Variants in ANO10 observed in about 807,000 individuals in gnomAD.
ANO10 encodes the protein anoctamin-10.
ANO10 carries 77 observed loss-of-function variants against 74.7 expected under a neutral mutation model. The observed-to-expected ratio is 1.03, with a 90% CI of 0.86 to 1.25. ANO10 has a LOEUF of 1.25. Ranked by LOEUF, ANO10 falls within the 50% of genes most tolerant of loss-of-function variation. The probability of loss-of-function intolerance (pLI) is 0.00; values close to 1 mark genes in which losing one functional copy is unlikely to be tolerated. For missense variants in ANO10, 721 were observed against 778.1 expected, an observed-to-expected ratio of 0.93 and a Z score of 0.87; for synonymous variants, 279 against 284.9, an observed-to-expected ratio of 0.98 and a Z score of 0.21.
chr3:43,485,234 G>C (rs1476938749), intron 11 of ANO10: 1 of 654,312 alleles, frequency 1.5e-6, no homozygotes, highest in Non-Finnish European at 2.8e-6. Context: ...TGCAGCTCCG[G>C]GAGTCATAGT....
chr3:43,688,712 C>T lies in ANO10; in HGVS notation c.-12+2805G>A, dbSNP rs374312120. Among the ~76,000 whole-genome samples, 37 of 151,986 alleles carry T rather than the reference C, an allele frequency of 2.4e-4. 2 individuals carry two copies. Among genetic ancestry groups the T allele is most frequent in the East Asian group, 2.3e-3 (12 of 5,148 alleles). The stretch of plus-strand genomic sequence containing the variant: ...ACAAAAAATTAGCTGGGCGTGGTGG[C>T]GGGTGCCTGGAATCCCAGCTACTCA... On this transcript the variant is annotated intron_variant, in intron 1 of 3. Transcript: ENST00000413397.
At chr3:43,381,858 T>C (rs2091968786) in intron 12 of ANO10, among the ~76,000 whole-genome samples, 1 of 152,178 alleles carries the variant, frequency 6.6e-6, no homozygotes, top group South Asian at 2.1e-4. Context: ...ATCGAAATTA[T>C]GGCAAGTACT....
intron 11 of ANO10, among the ~76,000 whole-genome samples, chr3:43,532,479 T>C (rs2078515099): frequency 6.6e-6 from 1 of 152,240 alleles, no homozygotes; most frequent in South Asian, 2.1e-4. Flanking sequence ...CAACTGTTCA[T>C]CCAGTATAAT....
intron 9 of ANO10, among the ~76,000 whole-genome samples, chr3:43,558,578 A>T (rs1369431061): frequency 6.6e-6 from 1 of 152,192 alleles, no homozygotes; most frequent in African/African-American, 2.4e-5. Context: ...TTACTTTTAT[A>T]GTAATGTTTT....
intron 1 of ANO10, among the ~76,000 whole-genome samples, chr3:43,649,787 C>A (rs981965401): frequency 4.3e-4 from 66 of 152,296 alleles, no homozygotes; most frequent in South Asian, 1.2e-3. Context: ...GTTCCCTGAC[C>A]CCCCTTGCAG....
chr3:43,366,850 C>T lies in ANO10; in HGVS notation c.*56G>A. The stretch of plus-strand genomic sequence containing the variant: ...CCGGGTACCCCCCCTGCCACCGTGG[C>T]AGGTGTGGCACAGACACAGGCCTCT... On this transcript the variant is annotated 3_prime_UTR_variant, in exon 13 of 13. Transcript: ENST00000292246. 6.6e-7 allele frequency: 1 copy of T among 1,520,636 alleles called. No individual in the cohort carries two copies. Among genetic ancestry groups the T allele is most frequent in the Non-Finnish European group, 8.9e-7 (1 of 1,118,566 alleles). The allele number at this position is 1,520,636 out of a possible 1,614,324, so 94.2% of individuals were successfully genotyped here. A position where few individuals can be genotyped will look rare whatever the true frequency, so the allele number is the denominator to read the frequency against.
intron 11 of ANO10, among the ~76,000 whole-genome samples, chr3:43,529,150 A>C (rs1248095827): frequency 6.6e-6 from 1 of 152,232 alleles, no homozygotes; most frequent in African/African-American, 2.4e-5. Flanking sequence ...AAAATGACCA[A>C]GTCACTTGCT....
chr3:43,515,848 T>C (rs1342137390), intron 11 of ANO10, among the ~76,000 whole-genome samples: 1 of 152,186 alleles, frequency 6.6e-6, no homozygotes, highest in African/African-American at 2.4e-5. Flanking sequence ...GGTTTCCTTC[T>C]GACTACTGAA....
At chr3:43,422,650 T>A (rs2092836628) in intron 12 of ANO10, among the ~76,000 whole-genome samples, 1 of 152,210 alleles carries the variant, frequency 6.6e-6, no homozygotes, top group Non-Finnish European at 1.5e-5. Flanking sequence ...TGGGGTGACT[T>A]GAAAAATGGT....
intron 11 of ANO10, among the ~76,000 whole-genome samples, chr3:43,540,900 T>C (rs1184460816): frequency 2.0e-5 from 3 of 152,178 alleles, no homozygotes; most frequent in Non-Finnish European, 4.4e-5. Flanking sequence ...ACATAATAAA[T>C]ATGTATTCAA....
At chr3:43,688,030 C>T (rs1291567507) in intron 1 of ANO10, among the ~76,000 whole-genome samples, 1 of 152,198 alleles carries the variant, frequency 6.6e-6, no homozygotes, top group Non-Finnish European at 1.5e-5. Context: ...ACTCCATCAG[C>T]AGCAAGGTGA....
chr3:43,497,315 A>C (rs1273621348), intron 11 of ANO10, among the ~76,000 whole-genome samples: 4 of 152,220 alleles, frequency 2.6e-5, no homozygotes, highest in Non-Finnish European at 4.4e-5. Flanking sequence ...TTTGTAATTA[A>C]GGAGAAAAGA....
chr3:43,617,714 C>T (rs1435117916), intron 1 of ANO10, among the ~76,000 whole-genome samples: 1 of 151,582 alleles, frequency 6.6e-6, no homozygotes, highest in Non-Finnish European at 1.5e-5. Flanking sequence ...TTATTCTTTT[C>T]CTGAATTTGG....
At chr3:43,378,368 A>G (rs2091869189) in intron 12 of ANO10, among the ~76,000 whole-genome samples, 1 of 152,198 alleles carries the variant, frequency 6.6e-6, no homozygotes, top group Non-Finnish European at 1.5e-5. Flanking sequence ...TTCCATTCTT[A>G]AGAAACACTA....
At chr3:43,632,026 C>A (rs992805872) in intron 1 of ANO10, among the ~76,000 whole-genome samples, 2 of 147,708 alleles carry the variant, frequency 1.4e-5, no homozygotes, top group African/African-American at 5.0e-5. Flanking sequence ...TGAGCCAACA[C>A]GATGCCACTG....
At chr3:43,371,181 C>G (rs145839022) in intron 12 of ANO10, among the ~76,000 whole-genome samples, 2 of 152,264 alleles carry the variant, frequency 1.3e-5, no homozygotes, top group African/African-American at 4.8e-5. Context: ...CCGTCCCAAA[C>G]CAAGACCTAC....
At chr3:43,580,527 T>C in intron 4 of ANO10, 55 bp from the exon 5 acceptor site, 2 of 1,604,670 alleles carry the variant, frequency 1.2e-6, no homozygotes, top group African/African-American at 1.3e-5. Context: ...TTGTGCATGA[T>C]ACGCTTCAGC....
intron 3 of ANO10, among the ~76,000 whole-genome samples, chr3:43,598,868 A>G (rs1197421921): frequency 1.3e-5 from 2 of 152,256 alleles, no homozygotes; most frequent in Non-Finnish European, 2.9e-5. Flanking sequence ...GCCTTCACGT[A>G]ATACAATTCT....
intron 12 of ANO10, among the ~76,000 whole-genome samples, chr3:43,369,813 T>C (rs2091544110): frequency 2.0e-5 from 3 of 152,156 alleles, no homozygotes; most frequent in Admixed American, 6.5e-5. Context: ...CCCAAGCGAT[T>C]TGGAGGAAAT....
Sources: allele counts gnomAD v4.1 joint callset (sites outside exome capture counted in the v4.1 genomes callset), GRCh38; gene constraint gnomAD v4.1.1; transcripts MANE v1.5; gene names NCBI Gene and HGNC (gene_info 2026-07-23, HGNC 2026-07-21).